RPH3A: variants seen among roughly 807,000 people sequenced by gnomAD.
The protein encoded by RPH3A is rabphilin 3A.
Under a neutral mutation model 102.2 loss-of-function variants are expected in RPH3A, and 48 were observed. That is an observed-to-expected ratio of 0.47 (90% CI 0.37 to 0.60). The LOEUF (loss-of-function observed/expected upper bound fraction) is 0.60, where lower values mean the gene tolerates loss of function less well. RPH3A is among the 20% of genes least tolerant of loss of function. RPH3A has a pLI of 0.00. For synonymous variants in RPH3A, 310 were observed against 324.3 expected (o/e 0.96, Z 0.47); for missense variants, 781 against 910.1 (o/e 0.86, Z 1.83).
In RPH3A at chr12:112,860,021, A is replaced by G. The variant is rs74826515; in HGVS notation, c.231-5393A>G. Among the ~76,000 whole-genome samples, 8 of 152,316 alleles carry G rather than the reference A, an allele frequency of 5.3e-5. No homozygotes were observed. The East Asian group carries it at 1.4e-3, about 26-fold the overall frequency. On this transcript the variant is annotated intron_variant, in intron 5 of 21. Transcript: ENST00000389385. ...GCAGTGAGGGTAGAGAGCGTCTCCC[A>G]TACACATCTAGGGCTTCCCTGCCAA...
At chr12:112,838,951 C>A (rs1306486173) in intron 4 of RPH3A, among the ~76,000 whole-genome samples, 1 of 152,102 alleles carries the variant, frequency 6.6e-6, no homozygotes, top group Admixed American at 6.5e-5. Context: ...AGAGCAGGTG[C>A]CTTCAGGTAG....
intron 2 of RPH3A, among the ~76,000 whole-genome samples, chr12:112,827,504 A>C (rs1181370304): frequency 6.6e-6 from 1 of 152,176 alleles, no homozygotes; most frequent in African/African-American, 2.4e-5. Flanking sequence ...TAATGAATGA[A>C]ATAGGACAAG....
chr12:112,895,162 G>A (rs2043159175), intron 20 of RPH3A, among the ~76,000 whole-genome samples: 1 of 152,084 alleles, frequency 6.6e-6, no homozygotes, highest in African/African-American at 2.4e-5. Context: ...GAGTGCAGTG[G>A]CGTGATCTTG....
At chr12:112,582,997 G>A (rs934094794) in intron 1 of RPH3A, among the ~76,000 whole-genome samples, 1 of 152,074 alleles carries the variant, frequency 6.6e-6, no homozygotes, top group Non-Finnish European at 1.5e-5. Context: ...AAACTTGCTG[G>A]GTGGGTGGCT....
chr12:112,806,453 G>C (rs907638832), intron 2 of RPH3A, among the ~76,000 whole-genome samples: 3 of 152,020 alleles, frequency 2.0e-5, no homozygotes, highest in Non-Finnish European at 2.9e-5. Flanking sequence ...TGGCCAACAC[G>C]GTGAAACTCT....
chr12:112,867,287 T>C (rs2042628050), intron 7 of RPH3A, among the ~76,000 whole-genome samples: 1 of 152,186 alleles, frequency 6.6e-6, no homozygotes, highest in Non-Finnish European at 1.5e-5. Context: ...TTCTCTTTAC[T>C]TTGTCCTCTT....
intron 2 of RPH3A, among the ~76,000 whole-genome samples, chr12:112,806,321 C>G (rs1386125936): frequency 2.0e-5 from 3 of 152,164 alleles, no homozygotes; most frequent in Non-Finnish European, 4.4e-5. Context: ...GTGTGAAAAA[C>G]GTTTTAAGAA....
chr12:112,764,021 G>GTCT (rs1299313709), intron 1 of RPH3A, among the ~76,000 whole-genome samples: 4 of 152,196 alleles, frequency 2.6e-5, no homozygotes, highest in African/African-American at 9.6e-5. Context: ...AGGGCAGCCA[G>GTCT]TAGAAGACCT....
chr12:112,614,202 A>C (rs1489230459), intron 1 of RPH3A, among the ~76,000 whole-genome samples: 2 of 152,182 alleles, frequency 1.3e-5, no homozygotes, highest in Non-Finnish European at 2.9e-5. Flanking sequence ...ATAAATTTGC[A>C]TTGTTGAAAT....
In RPH3A at chr12:112,898,661, A is replaced by G. The variant is rs1197855027; in HGVS notation, c.*1881A>G. 3 of 152,036 alleles carry G rather than the reference A, an allele frequency of 2.0e-5. No individual in the cohort carries two copies. The highest frequency in any genetic ancestry group is 6.6e-5 in the Admixed American group (1 of 15,260). The allele number at this position is 152,036 out of a possible 1,614,324, so 9.4% of individuals were successfully genotyped here. On this transcript the variant is annotated 3_prime_UTR_variant, in exon 22 of 22. Coordinates refer to ENST00000389385, the MANE Select transcript of RPH3A (RefSeq NM_001143854.2). ...CCTCACCACAGTTTCCCCTTAGGAGACAGCATGCTGGCTGTGTCGCCCAAG... is the reference window on the plus strand; with the variant it reads ...CCTCACCACAGTTTCCCCTTAGGAGGCAGCATGCTGGCTGTGTCGCCCAAG...
At chr12:112,610,945 T>A (rs2039635168) in intron 1 of RPH3A, among the ~76,000 whole-genome samples, 2 of 152,192 alleles carry the variant, frequency 1.3e-5, no homozygotes, top group African/African-American at 4.8e-5. Flanking sequence ...TGTCTAAAGT[T>A]ATTTTATGCA....
At chr12:112,669,120 A>C (rs1179396624) in intron 1 of RPH3A, among the ~76,000 whole-genome samples, 1 of 152,206 alleles carries the variant, frequency 6.6e-6, no homozygotes, top group African/African-American at 2.4e-5. Context: ...CAAGAGTAAG[A>C]GGTCATTGGG....
rs1015192431 is a variant in RPH3A, at chr12:112,759,373, G to A, written c.-139-32770G>A. ...GGTTCTATTTCATTGCATGACAATT[G>A]CCTCTCTGGTCTGAGGAGCCTTCGT... is the stretch of plus-strand genomic sequence containing the variant. On this transcript the variant is annotated intron_variant, in intron 1 of 21. Coordinates refer to the RPH3A transcript ENST00000543106. Among the ~76,000 whole-genome samples the A allele has an allele frequency of 3.3e-5, 5 of 152,122 alleles. No individual in the cohort carries two copies. The East Asian group carries it at 7.7e-4, about 23-fold the overall frequency.
rs1263170771 is a variant in RPH3A, at chr12:112,883,284, G to A, written c.1327-9G>A. 1.9e-6 allele frequency: 3 copies of A among 1,610,620 alleles called. No individual in the cohort carries two copies. The highest frequency in any genetic ancestry group is 3.3e-5 in the Admixed American group (2 of 59,922). On this transcript the variant is annotated splice_polypyrimidine_tract_variant and intron_variant, in intron 15 of 21. Transcript: ENST00000389385. ...GTAGGTGTCTCTGTCCATCTCTCTC[G>A]GGCTCTAGTCCAACAAGCTTCGTAC... is the stretch of plus-strand genomic sequence containing the variant.
intron 1 of RPH3A, among the ~76,000 whole-genome samples, chr12:112,765,246 TTGTGTGTGTGTG>T (rs34294777): frequency 9.5e-4 from 134 of 141,760 alleles, no homozygotes; most frequent in African/African-American, 3.2e-3. Context: ...GTCATGGTGA[TTGTGTGTGTGTG>T]TGTGTGTGTG....
At chr12:112,676,928 T>A (rs1190534403) in intron 1 of RPH3A, among the ~76,000 whole-genome samples, 1 of 152,206 alleles carries the variant, frequency 6.6e-6, no homozygotes, top group Non-Finnish European at 1.5e-5. Context: ...GTAGCTTTTC[T>A]GCCTTGCTAA....
chr12:112,655,563 CTTTTTTTTTTTT>C (rs71086113), intron 1 of RPH3A, among the ~76,000 whole-genome samples: 21 of 55,586 alleles, frequency 3.8e-4, no homozygotes, highest in African/African-American at 1.3e-3. Flanking sequence ...TTTTGTTGGT[CTTTTTTTTTTTT>C]TTTTTTTTTT....
intron 1 of RPH3A, among the ~76,000 whole-genome samples, chr12:112,576,235 C>T (rs1236400724): frequency 6.6e-6 from 1 of 152,222 alleles, no homozygotes; most frequent in Non-Finnish European, 1.5e-5. Context: ...GACTCTTAAC[C>T]ACGCTGCTGT....
At chr12:112,794,686 C>G (rs2041195288) in intron 2 of RPH3A, among the ~76,000 whole-genome samples, 1 of 152,190 alleles carries the variant, frequency 6.6e-6, no homozygotes, top group South Asian at 2.1e-4. Context: ...AGCACCCCCC[C>G]AAGTTCAGGA....
Sources: allele counts gnomAD v4.1 joint callset (sites outside exome capture counted in the v4.1 genomes callset), GRCh38; gene constraint gnomAD v4.1.1; transcripts MANE v1.5; gene names NCBI Gene and HGNC (gene_info 2026-07-23, HGNC 2026-07-21).